The following ARHGEF4 variants were observed in gnomAD, a reference collection of about 807,000 sequenced individuals.
The protein encoded by ARHGEF4 is APC-stimulated guanine nucleotide exchange factor 1.
ARHGEF4 carries 119 observed loss-of-function variants against 162.0 expected under a neutral mutation model. That is an observed-to-expected ratio of 0.73 (90% CI 0.63 to 0.86). The LOEUF is 0.86. Ranked by LOEUF, ARHGEF4 falls within the 40% of genes least tolerant of loss-of-function variation. The pLI is 0.00. For synonymous variants in ARHGEF4, 1,014 were observed against 979.9 expected (o/e 1.03, Z -0.65); for missense variants, 2,488 against 2,456.0 (o/e 1.01, Z -0.28).
chr2:130,996,345 A>G (rs1687393686), intron 4 of ARHGEF4, among the ~76,000 whole-genome samples: 1 of 152,118 alleles, frequency 6.6e-6, no homozygotes, highest in African/African-American at 2.4e-5. Context: ...TCGTGTCTTG[A>G]AGTGCATGTG....
In ARHGEF4 at chr2:130,855,396, A is replaced by G. The variant is rs113487325; in HGVS notation, c.39+18404A>G. ...TATACTCATGGTTATGGTTTATTAC[A>G]GTGAAAAGATACAGATTTAAGTCAG... On this transcript the variant is annotated intron_variant, in intron 1 of 13. Coordinates refer to ENST00000409359, the MANE Select transcript of ARHGEF4 (RefSeq NM_001367493.1). 7.0e-3 allele frequency among the ~76,000 whole-genome samples: 1,059 copies of G among 152,296 alleles called. 19 individuals are homozygous for G. The highest frequency in any genetic ancestry group is 0.025 in the African/African-American group (1,022 of 41,568).
intron 11 of ARHGEF4, 26 bp downstream of exon 11, chr2:131,043,609 C>T (rs1389090430): frequency 6.2e-7 from 1 of 1,613,110 alleles, no homozygotes; most frequent in East Asian, 2.2e-5. Context: ...TGCCCTGCTG[C>T]CCCAAGTTGA....
intron 4 of ARHGEF4, 41 bp from the exon 5 acceptor site, chr2:131,027,904 C>A (rs1689583716): frequency 6.2e-7 from 1 of 1,610,238 alleles, no homozygotes; most frequent in African/African-American, 1.3e-5. Flanking sequence ...CAGCCCTTCC[C>A]AGCCCAGCCC....
intron 4 of ARHGEF4, among the ~76,000 whole-genome samples, chr2:130,975,138 G>A (rs987270838): frequency 1.3e-5 from 2 of 152,234 alleles, no homozygotes; most frequent in Non-Finnish European, 2.9e-5. Context: ...AGATTTGGAT[G>A]AGGGAAATGC....
At chr2:130,901,581 C>T (rs1243657470) in intron 1 of ARHGEF4, among the ~76,000 whole-genome samples, 1 of 151,658 alleles carries the variant, frequency 6.6e-6, no homozygotes, top group African/African-American at 2.4e-5. Context: ...AGTGCAATCA[C>T]GCAGTCTCAG....
chr2:130,952,811 A>T (rs1386806893), intron 4 of ARHGEF4, among the ~76,000 whole-genome samples: 6 of 152,188 alleles, frequency 3.9e-5, no homozygotes, highest in South Asian at 2.1e-4. Flanking sequence ...CACAATTGTT[A>T]CAAAGAGAAT....
chr2:131,024,169 G>A (rs1689322619), intron 4 of ARHGEF4, among the ~76,000 whole-genome samples: 1 of 152,180 alleles, frequency 6.6e-6, no homozygotes, highest in South Asian at 2.1e-4. Flanking sequence ...ACCATTGACG[G>A]AAACTGGATG....
intron 1 of ARHGEF4, among the ~76,000 whole-genome samples, chr2:130,910,180 T>G (rs1681088878): frequency 6.6e-6 from 1 of 152,212 alleles, no homozygotes; most frequent in African/African-American, 2.4e-5. Context: ...ATTCTGCACA[T>G]GTACCCCAGA....
At chr2:130,988,265 G>A (rs1368272275) in intron 4 of ARHGEF4, among the ~76,000 whole-genome samples, 7 of 152,158 alleles carry the variant, frequency 4.6e-5, no homozygotes, top group Admixed American at 4.6e-4. Context: ...ACCTCAGGTG[G>A]GAAGCTCTCT....
At chr2:130,871,349 A>G (rs1678475064) in intron 1 of ARHGEF4, among the ~76,000 whole-genome samples, 1 of 152,118 alleles carries the variant, frequency 6.6e-6, no homozygotes, top group African/African-American at 2.4e-5. Context: ...TAGCCTGGCC[A>G]ACATGGTGAA....
chr2:130,871,301 C>T (rs1678465195), intron 1 of ARHGEF4, among the ~76,000 whole-genome samples: 1 of 152,196 alleles, frequency 6.6e-6, no homozygotes, highest in East Asian at 1.9e-4. Context: ...TTTGGGAGGC[C>T]GAGGTGGGCG....
intron 4 of ARHGEF4, among the ~76,000 whole-genome samples, chr2:131,023,469 C>T (rs1357649427): frequency 6.6e-6 from 1 of 151,994 alleles, no homozygotes; most frequent in Non-Finnish European, 1.5e-5. Flanking sequence ...AGATATATCA[C>T]CAAAGAGGAT....
intron 1 of ARHGEF4, among the ~76,000 whole-genome samples, chr2:130,851,569 C>T (rs1044987097): frequency 1.3e-5 from 2 of 152,194 alleles, no homozygotes; most frequent in African/African-American, 4.8e-5. Context: ...GGTCTCTATC[C>T]GAGAGGGTGG....
chr2:131,029,497 G>A lies in ARHGEF4; in HGVS notation c.4125+1413G>A, dbSNP rs113297778. On this transcript the variant is annotated intron_variant, in intron 5 of 13. Coordinates refer to ENST00000409359, the MANE Select transcript of ARHGEF4 (RefSeq NM_001367493.1). Reference sequence around the variant, plus strand: ...TCGTAAGCTACTTGGGATGGAAGGTGTTCTGAAATGATGCCACCTGAAGCA... The same window carrying A: ...TCGTAAGCTACTTGGGATGGAAGGTATTCTGAAATGATGCCACCTGAAGCA... Among the ~76,000 whole-genome samples the A allele has an allele frequency of 6.4e-3, 965 of 151,644 alleles. 11 individuals carry two copies. Among genetic ancestry groups the A allele is most frequent in the African/African-American group, 0.023 (944 of 41,316 alleles).
At position 130,915,674 on chromosome 2, in the gene ARHGEF4, C is replaced by T. The variant is rs1681438520; in HGVS notation, c.1728C>T (p.Pro576=). ...KAAEEAMVLD[P]NYREQALQGL... ...CCGAAGAAGCCATGGTTCTAGACCC[C>T]AACTACAGGGAACAGGCTTTGCAAG... Residue 576 remains proline, a synonymous_variant, in exon 2 of 14, where the codon CCC becomes CCT. Coordinates refer to ENST00000409359, the MANE Select transcript of ARHGEF4 (RefSeq NM_001367493.1). 6.4e-7 allele frequency: 1 copy of T among 1,550,472 alleles called. No homozygotes were observed. Among genetic ancestry groups the T allele is most frequent in the Non-Finnish European group, 8.7e-7 (1 of 1,146,958 alleles).
chr2:131,040,037 C>G lies in ARHGEF4; in HGVS notation c.4327C>G (p.Pro1443Ala), dbSNP rs534167453. The G allele has an allele frequency of 9.6e-6, 15 of 1,568,550 alleles. No homozygotes were observed. The South Asian group carries it at 1.7e-4, about 18-fold the overall frequency. ...GCAGCTGAGGGTGAATCAGGACGAG[C>G]CCGCGGATGACGACGCCCCTCTGGC... ...FVRLRVNQDE[P>A]ADDDAPLAGN... Residue 1443 changes from proline (P) to alanine (A), a missense_variant, in exon 7 of 14, where the codon CCC becomes GCC. This residue lies in a region of ARHGEF4 where 174 missense variants were observed against 148.3 expected (regional missense o/e 1.17). Transcript: ENST00000409359.
At chr2:130,954,674 AGTTAT>A (rs1684162549) in intron 4 of ARHGEF4, among the ~76,000 whole-genome samples, 1 of 152,152 alleles carries the variant, frequency 6.6e-6, no homozygotes, top group Non-Finnish European at 1.5e-5. Context: ...AGGCTTGATG[AGTTAT>A]ATGTTGTTTG....
At chr2:130,837,819 G>A in intron 1 of ARHGEF4, 1 of 269,424 alleles carries the variant, frequency 3.7e-6, no homozygotes, top group South Asian at 2.8e-5. Context: ...GTCAGCTGCA[G>A]GTCCAGGGGG....
Position 131,044,307 on chromosome 2 carries a change from C to A in ARHGEF4, c.5166C>A (p.Leu1722=). The stretch of plus-strand genomic sequence containing the variant: ...AGGCCAGCATCTGGCAGGACCTGCT[C>A]CGCCGCGACGTGTTGTACTACAAGG... ...HQLIYCKKDL[L]RRDVLYYKGR... Residue 1722 remains leucine, a synonymous_variant, in exon 12 of 14, where the codon CTC becomes CTA. Transcript: ENST00000409359. 2 of 1,610,504 alleles carry A rather than the reference C, an allele frequency of 1.2e-6. No homozygotes were observed. Among genetic ancestry groups the A allele is most frequent in the South Asian group, 2.2e-5 (2 of 90,152 alleles).
Sources: gnomAD v4.1 joint callset for allele counts (sites outside exome capture counted in the v4.1 genomes callset) on GRCh38, gnomAD v4.1.1 for gene constraint, gnomAD v4.1.1 regional missense constraint, MANE v1.5 for transcripts, NCBI Gene and HGNC (gene_info 2026-07-23, HGNC 2026-07-21) for gene names.